The following CDC40 variants were observed in gnomAD, a reference collection of about 807,000 sequenced individuals.
The protein encoded by CDC40 is pre-mRNA-processing factor 17.
A neutral mutation model predicts 80.6 loss-of-function variants in CDC40; 27 were observed. That is an observed-to-expected ratio of 0.33 (90% confidence interval 0.25 to 0.46). The LOEUF is 0.46. Among genes scored for constraint, CDC40 ranks in the 20% least tolerant of loss-of-function variants. The pLI, the probability that CDC40 is intolerant of heterozygous loss-of-function variation, is 1.00. For missense variants in CDC40, 486 were observed against 694.1 expected, an observed-to-expected ratio of 0.70 and a Z score of 3.37; for synonymous variants, 221 against 232.6, an observed-to-expected ratio of 0.95 and a Z score of 0.45.
chr6:110,221,134 C>CA (rs1191659176), intron 12 of CDC40, among the ~76,000 whole-genome samples: 1 of 151,516 alleles, frequency 6.6e-6, no homozygotes, highest in Non-Finnish European at 1.5e-5. Flanking sequence ...AATTTAGTTG[C>CA]AAAAAAAATG....
intron 1 of CDC40, among the ~76,000 whole-genome samples, chr6:110,186,323 T>C (rs1777269418): frequency 6.6e-6 from 1 of 152,024 alleles, no homozygotes; most frequent in South Asian, 2.1e-4. Context: ...ACCCTGTCTC[T>C]AGAAAAAATA....
At chr6:110,184,388 T>C (rs1008933391) in intron 1 of CDC40, among the ~76,000 whole-genome samples, 2 of 150,784 alleles carry the variant, frequency 1.3e-5, no homozygotes, top group Non-Finnish European at 3.0e-5. Context: ...TTAGTTTTGT[T>C]TTTTTTTTTC....
At chr6:110,185,712 A>G (rs991289027) in intron 1 of CDC40, among the ~76,000 whole-genome samples, 7 of 152,142 alleles carry the variant, frequency 4.6e-5, no homozygotes, top group African/African-American at 1.4e-4. Flanking sequence ...CTAACCACAA[A>G]AAGATAGCTA....
In CDC40 at chr6:110,230,760, T is replaced by A. The variant is rs1777926227; in HGVS notation, c.*629T>A. The A allele has an allele frequency of 6.6e-6, 1 of 152,616 alleles. No homozygotes were observed. The highest frequency in any genetic ancestry group is 2.1e-4 in the South Asian group (1 of 4,840). The allele number at this position is 152,616 out of a possible 1,614,324, so 9.5% of individuals were successfully genotyped here. ...ATCAGTCCAGAGTTCTTTTGTTGAC[T>A]TAATTCCTGATCAGTATAGACAGGA... On this transcript the variant is annotated 3_prime_UTR_variant, in exon 15 of 15. Transcript: ENST00000307731.
intron 13 of CDC40, among the ~76,000 whole-genome samples, chr6:110,228,289 G>A (rs1348435078): frequency 3.9e-5 from 6 of 152,176 alleles, no homozygotes; most frequent in Non-Finnish European, 7.4e-5. Context: ...GACTATAGAC[G>A]CTGCAGTTTA....
chr6:110,193,188 T>C lies in CDC40; in HGVS notation c.196T>C (p.Leu66=). 3 of 1,588,602 alleles carry C rather than the reference T, an allele frequency of 1.9e-6. No homozygotes were observed. Among genetic ancestry groups the C allele is most frequent in the Non-Finnish European group, 1.7e-6 (2 of 1,157,012 alleles). ...TATTTGGTATTCTTTTTAGGAAGAT[T>C]TGGAGACTGGAGTTCACCTTGACCC... ...SAPEVAVKED[L]ETGVHLDPAV... Residue 66 remains leucine (L), a synonymous_variant, in exon 2 of 15, where the codon TTG becomes CTG. Coordinates refer to ENST00000307731, the MANE Select transcript of CDC40 (RefSeq NM_015891.3).
chr6:110,193,428 A>C (rs1373725379), intron 2 of CDC40, among the ~76,000 whole-genome samples, 160 bp downstream of exon 2: 1 of 151,722 alleles, frequency 6.6e-6, no homozygotes, highest in South Asian at 2.1e-4. Context: ...TTTTTGAGAC[A>C]GAGTCTCGCT....
At chr6:110,227,378 T>C (rs1225574831) in intron 13 of CDC40, among the ~76,000 whole-genome samples, 1 of 152,170 alleles carries the variant, frequency 6.6e-6, no homozygotes, top group Non-Finnish European at 1.5e-5. Flanking sequence ...AAGCAAATGG[T>C]AATAGTTGTC....
intron 8 of CDC40, 78 bp downstream of exon 8, chr6:110,213,238 T>C: frequency 9.8e-7 from 1 of 1,016,784 alleles, no homozygotes; most frequent in South Asian, 1.3e-5. Flanking sequence ...TATAAATAAA[T>C]TTGGGTTTGT....
chr6:110,223,277 G>A (rs1298347250), intron 12 of CDC40, among the ~76,000 whole-genome samples: 1 of 152,052 alleles, frequency 6.6e-6, no homozygotes, highest in Non-Finnish European at 1.5e-5. Flanking sequence ...TAAGAATAGG[G>A]TCTCACTCTG....
At chr6:110,219,340 T>C (rs1056613380) in intron 10 of CDC40, 24 bp from the exon 11 acceptor site, 4 of 1,062,506 alleles carry the variant, frequency 3.8e-6, no homozygotes, top group African/African-American at 1.6e-5. Context: ...ATTTTACCTA[T>C]TTAATTTGAG....
At chr6:110,226,764 A>G (rs1305314294) in intron 13 of CDC40, among the ~76,000 whole-genome samples, 1 of 152,030 alleles carries the variant, frequency 6.6e-6, no homozygotes, top group Non-Finnish European at 1.5e-5. Flanking sequence ...TCAGTAAATC[A>G]TTTAATAATG....
chr6:110,205,075 G>A (rs1777545835), intron 3 of CDC40, among the ~76,000 whole-genome samples: 1 of 151,954 alleles, frequency 6.6e-6, no homozygotes, highest in Non-Finnish European at 1.5e-5. Context: ...TACTAGTGAG[G>A]TCGAAGGTTT....
intron 1 of CDC40, among the ~76,000 whole-genome samples, chr6:110,190,085 G>A (rs1777325490): frequency 6.6e-6 from 1 of 152,202 alleles, no homozygotes. Flanking sequence ...GGGCAGTGAG[G>A]ATATATGATG....
intron 1 of CDC40, 111 bp downstream of exon 1, chr6:110,180,744 T>C: frequency 1.4e-6 from 1 of 738,702 alleles, no homozygotes; most frequent in Non-Finnish European, 2.2e-6. Context: ...AGAGATAAGT[T>C]GCTAACGTTT....
At chr6:110,224,138 C>T (rs924097252) in intron 12 of CDC40, among the ~76,000 whole-genome samples, 5 of 151,700 alleles carry the variant, frequency 3.3e-5, no homozygotes, top group African/African-American at 9.7e-5. Context: ...GTATTTTAAT[C>T]GACCAAATGC....
At position 110,209,232 on chromosome 6, in the gene CDC40, T is replaced by A; in HGVS notation, c.630+9T>A. The A allele has an allele frequency of 6.2e-7, 1 of 1,611,500 alleles. No individual in the cohort carries two copies. Among genetic ancestry groups the A allele is most frequent in the South Asian group, 1.1e-5 (1 of 91,012 alleles). Reference sequence around the variant, plus strand: ...TAGCCAAACCTTCAGAAGTAAGCTTTGATGTTTTTAATTGTCAATTCAGGT... The same window carrying A: ...TAGCCAAACCTTCAGAAGTAAGCTTAGATGTTTTTAATTGTCAATTCAGGT... On this transcript the variant is annotated intron_variant, in intron 5 of 14. Transcript: ENST00000307731.
At chr6:110,207,464 A>C in intron 3 of CDC40, 42 bp from the exon 4 acceptor site, 1 of 962,560 alleles carries the variant, frequency 1.0e-6, no homozygotes, top group Non-Finnish European at 1.7e-6. Context: ...ATGAATTTAA[A>C]CAGCAAAATG....
Position 110,209,073 on chromosome 6 carries a change from TG to T in CDC40, c.491-10del. The T allele has an allele frequency of 2.1e-6, 3 of 1,457,816 alleles. No individual in the cohort carries two copies. Among genetic ancestry groups the T allele is most frequent in the Admixed American group, 2.2e-5 (1 of 44,548 alleles). The allele number at this position is 1,457,816 out of a possible 1,614,324, so 90.3% of individuals were successfully genotyped here. On this transcript the variant is annotated splice_polypyrimidine_tract_variant and intron_variant, in intron 4 of 14. Transcript: ENST00000307731. ...TCAGTTTTTTTTTTAATTTTTTTTT[TG>T]TTAACGTAGGTTTAACTGTATTTGA...
Sources: allele counts gnomAD v4.1 joint callset (sites outside exome capture counted in the v4.1 genomes callset), GRCh38; gene constraint gnomAD v4.1.1; transcripts MANE v1.5; gene names NCBI Gene and HGNC (gene_info 2026-07-23, HGNC 2026-07-21).